Variants in RASAL2 observed in about 807,000 individuals in gnomAD.
The protein encoded by RASAL2 is RAS protein activator like 2, also known as ras GTPase-activating protein nGAP.
A neutral mutation model predicts 128.9 loss-of-function variants in RASAL2; 58 were observed. The observed-to-expected ratio is 0.45, with a 90% CI of 0.36 to 0.56. The LOEUF (loss-of-function observed/expected upper bound fraction) is 0.56, where lower values mean the gene tolerates loss of function less well. RASAL2 is among the 20% of genes least tolerant of loss of function. RASAL2 has a pLI of 0.00. For missense variants in RASAL2, 1,360 were observed against 1,601.6 expected, an observed-to-expected ratio of 0.85 and a Z score of 2.57; for synonymous variants, 561 against 580.8, an observed-to-expected ratio of 0.97 and a Z score of 0.49.
intron 4 of RASAL2, among the ~76,000 whole-genome samples, chr1:178,417,758 TAA>T (rs35109719): frequency 0.012 from 786 of 67,858 alleles, 6 homozygotes; most frequent in African/African-American, 0.035. Context: ...AAACTCCGTC[TAA>T]AAAAAAAAAA....
At chr1:178,218,532 C>G (rs1009812532) in intron 1 of RASAL2, among the ~76,000 whole-genome samples, 1 of 152,018 alleles carries the variant, frequency 6.6e-6, no homozygotes, top group East Asian at 1.9e-4. Flanking sequence ...ACTAAAAATA[C>G]AAAAATTAGC....
intron 1 of RASAL2, among the ~76,000 whole-genome samples, chr1:178,116,683 C>T (rs1328054536): frequency 6.6e-6 from 1 of 152,160 alleles, no homozygotes; most frequent in Non-Finnish European, 1.5e-5. Flanking sequence ...GATCTCGGCT[C>T]ACTGCAATCT....
At position 178,439,592 on chromosome 1, in the gene RASAL2, G is replaced by GA; in HGVS notation, c.828+23dup. The GA allele has an allele frequency of 1.2e-6, 2 of 1,601,036 alleles. No individual in the cohort carries two copies. Among genetic ancestry groups the GA allele is most frequent in the Non-Finnish European group, 1.7e-6 (2 of 1,175,058 alleles). ...TGCTTTGAGGTAAAAATAAAGTGTA[G>GA]AAAAAAGGAAGAGTAGTTAAACAAC... is the stretch of plus-strand genomic sequence containing the variant. On this transcript the variant is annotated intron_variant, in intron 6 of 17. Transcript: ENST00000367649.
chr1:178,411,676 A>G lies in RASAL2; in HGVS notation c.565-8835A>G, dbSNP rs188897029. 21 of 821,354 alleles carry G rather than the reference A, an allele frequency of 2.6e-5. No individual in the cohort carries two copies. The Admixed American group carries it at 3.1e-4, about 12-fold the overall frequency. The allele number at this position is 821,354 out of a possible 1,614,324, so 50.9% of individuals were successfully genotyped here. A position where few individuals can be genotyped will look rare whatever the true frequency, so the allele number is the denominator to read the frequency against. On this transcript the variant is annotated intron_variant, in intron 4 of 17. Coordinates refer to ENST00000367649, the MANE Select transcript of RASAL2 (RefSeq NM_170692.4). The stretch of plus-strand genomic sequence containing the variant: ...CCATATCTTTGCAACCTTCAGTGAC[A>G]CTTTTGTCCATGTCACTGATCTTTC...
At chr1:178,263,505 A>G (rs187868310) in intron 1 of RASAL2, among the ~76,000 whole-genome samples, 1 of 152,320 alleles carries the variant, frequency 6.6e-6, no homozygotes, top group Non-Finnish European at 1.5e-5. Flanking sequence ...GCTCTTAACC[A>G]CTTGACCTTC....
intron 1 of RASAL2, among the ~76,000 whole-genome samples, chr1:178,187,006 T>C (rs2101940224): frequency 6.6e-6 from 1 of 152,142 alleles, no homozygotes; most frequent in East Asian, 1.9e-4. Context: ...CATTTTTATT[T>C]TTTGTGGAGA....
intron 1 of RASAL2, among the ~76,000 whole-genome samples, chr1:178,170,272 A>G (rs1361022353): frequency 6.6e-6 from 1 of 151,950 alleles, no homozygotes; most frequent in Non-Finnish European, 1.5e-5. Flanking sequence ...TTATAAAGAT[A>G]CAGCAAATTG....
intron 1 of RASAL2, among the ~76,000 whole-genome samples, chr1:178,219,710 A>C (rs551464648): frequency 1.3e-5 from 2 of 152,126 alleles, no homozygotes; most frequent in South Asian, 4.1e-4. Context: ...GTTTGGTGTA[A>C]GAGGCCTATC....
intron 3 of RASAL2, among the ~76,000 whole-genome samples, chr1:178,315,453 C>T (rs371617112): frequency 0.031 from 4,362 of 138,854 alleles, 91 homozygotes; most frequent in South Asian, 0.055. Context: ...CAGCACCTGT[C>T]GTTTCCTGAC....
At position 178,323,307 on chromosome 1, in the gene RASAL2, T is replaced by C. The variant is rs529950028; in HGVS notation, c.457+23189T>C. On this transcript the variant is annotated intron_variant, in intron 3 of 17. Coordinates refer to ENST00000367649, the MANE Select transcript of RASAL2 (RefSeq NM_170692.4). ...AACTGCAGGCTGAGTGAGTGACTGA[T>C]TGTTGAGCAAATGACTGATATGAGA... Among the ~76,000 whole-genome samples the C allele has an allele frequency of 3.9e-5, 6 of 152,272 alleles. 1 individual carries two copies. The East Asian group carries it at 7.7e-4, about 20-fold the overall frequency.
At position 178,299,860 on chromosome 1, in the gene RASAL2, TTATTTC is replaced by T. The variant is rs1045281234; in HGVS notation, c.331-128_331-123del. On this transcript the variant is annotated intron_variant, in intron 2 of 17. Coordinates refer to ENST00000367649, the MANE Select transcript of RASAL2 (RefSeq NM_170692.4). ...GTAATACCTTACCATTGTATATACT[TTATTTC>T]TATATTTCTCCTGCCTTACTCTTTG... 9.3e-5 allele frequency: 85 copies of T among 909,968 alleles called. No individual in the cohort carries two copies. The African/African-American group carries it at 1.4e-3, about 15-fold the overall frequency. 56.4% of individuals were successfully genotyped at this position (909,968 alleles called of 1,614,324 possible).
chr1:178,155,833 T>G (rs541882978), intron 1 of RASAL2, among the ~76,000 whole-genome samples: 1 of 152,302 alleles, frequency 6.6e-6, no homozygotes, highest in African/African-American at 2.4e-5. Flanking sequence ...TTAGGCTCTA[T>G]TACATCTATA....
rs1425333468 is a variant in RASAL2 at position 178,474,773 on chromosome 1, A to G, written c.*1534A>G. ...TTCATGCCTTCTATGCTGTTCAGATATAATGTTAAAAGGGTCTCAAACCTC... is the reference window on the plus strand; with the variant it reads ...TTCATGCCTTCTATGCTGTTCAGATGTAATGTTAAAAGGGTCTCAAACCTC... On this transcript the variant is annotated 3_prime_UTR_variant, in exon 18 of 18. Coordinates refer to ENST00000367649, the MANE Select transcript of RASAL2 (RefSeq NM_170692.4). 1.3e-5 allele frequency: 2 copies of G among 152,134 alleles called. No individual in the cohort carries two copies. Among genetic ancestry groups the G allele is most frequent in the Non-Finnish European group, 2.9e-5 (2 of 68,022 alleles). 9.4% of individuals were successfully genotyped at this position (152,134 alleles called of 1,614,324 possible).
At chr1:178,233,057 C>A (rs1007832535) in intron 1 of RASAL2, among the ~76,000 whole-genome samples, 2 of 152,168 alleles carry the variant, frequency 1.3e-5, no homozygotes, top group African/African-American at 2.4e-5. Context: ...TACTTTGCTT[C>A]AGGCAAGAGG....
At chr1:178,251,131 CTT>C (rs1057269196) in intron 1 of RASAL2, among the ~76,000 whole-genome samples, 2 of 152,178 alleles carry the variant, frequency 1.3e-5, no homozygotes, top group African/African-American at 2.4e-5. Context: ...CACTTGGACT[CTT>C]TGGGAAACTG....
At chr1:178,356,838 A>G (rs908876640) in intron 3 of RASAL2, among the ~76,000 whole-genome samples, 6 of 152,144 alleles carry the variant, frequency 3.9e-5, no homozygotes, top group Non-Finnish European at 5.9e-5. Context: ...GTTTTATGCT[A>G]TTCTCTGTGG....
intron 1 of RASAL2, among the ~76,000 whole-genome samples, chr1:178,243,856 G>A (rs1490335666): frequency 6.7e-6 from 1 of 149,096 alleles, no homozygotes; most frequent in Non-Finnish European, 1.5e-5. Flanking sequence ...GAGCAGTTGG[G>A]AGAAACGAGT....
At chr1:178,222,761 A>G (rs1663657329) in intron 1 of RASAL2, among the ~76,000 whole-genome samples, 1 of 152,180 alleles carries the variant, frequency 6.6e-6, no homozygotes, top group Non-Finnish European at 1.5e-5. Flanking sequence ...AATGTTAAAA[A>G]TAATAATTAT....
chr1:178,449,975 T>C (rs2102877793), intron 9 of RASAL2, among the ~76,000 whole-genome samples: 1 of 152,248 alleles, frequency 6.6e-6, no homozygotes, highest in East Asian at 1.9e-4. Flanking sequence ...GGCCAGTTTT[T>C]ACATGGGATA....
Sources: allele counts gnomAD v4.1 joint callset (sites outside exome capture counted in the v4.1 genomes callset), GRCh38; gene constraint gnomAD v4.1.1; transcripts MANE v1.5; gene names NCBI Gene and HGNC (gene_info 2026-07-23, HGNC 2026-07-21).